The following CCNY variants were observed in gnomAD, a reference collection of about 807,000 sequenced individuals.
CCNY encodes cyclin Y.
A neutral mutation model predicts 42.8 loss-of-function variants in CCNY; 19 were observed. That is an observed-to-expected ratio of 0.44 (90% CI 0.31 to 0.65). The LOEUF (loss-of-function observed/expected upper bound fraction) is 0.65. CCNY is among the 30% of genes least tolerant of loss of function. CCNY has a pLI of 0.07. For missense variants in CCNY, 370 were observed against 437.3 expected (o/e 0.85, Z 1.37); for synonymous variants, 165 against 162.7 (o/e 1.01, Z -0.11).
At chr10:35,414,100 A>G (rs907134306) in intron 1 of CCNY, among the ~76,000 whole-genome samples, 4 of 152,174 alleles carry the variant, frequency 2.6e-5, no homozygotes, top group African/African-American at 9.7e-5. Context: ...CTTGCTGTGT[A>G]ACAAGTTACC....
At chr10:35,306,170 G>A (rs975432215) in intron 3 of CCNY, among the ~76,000 whole-genome samples, 4 of 152,084 alleles carry the variant, frequency 2.6e-5, no homozygotes, top group Non-Finnish European at 4.4e-5. Flanking sequence ...GAGTAGCTGG[G>A]ATTACAGGCA....
intron 3 of CCNY, among the ~76,000 whole-genome samples, chr10:35,514,344 G>T (rs1589170867): frequency 6.6e-6 from 1 of 152,148 alleles, no homozygotes; most frequent in African/African-American, 2.4e-5. Flanking sequence ...TTAAAAGCTG[G>T]GTTGGCATCC....
chr10:35,557,355 T>C (rs767558917), intron 8 of CCNY, among the ~76,000 whole-genome samples: 1 of 152,232 alleles, frequency 6.6e-6, no homozygotes, highest in Non-Finnish European at 1.5e-5. Flanking sequence ...ATATCAAAAA[T>C]GTACATTTAA....
chr10:35,397,441 G>A (rs1297414201), intron 1 of CCNY, among the ~76,000 whole-genome samples: 3 of 152,138 alleles, frequency 2.0e-5, no homozygotes, highest in East Asian at 1.9e-4. Flanking sequence ...GTAGCTTGTC[G>A]CAGACCCTAC....
chr10:35,364,974 T>TAGG (rs1836777891), intron 1 of CCNY, among the ~76,000 whole-genome samples: 1 of 152,204 alleles, frequency 6.6e-6, no homozygotes, highest in African/African-American at 2.4e-5. Flanking sequence ...ATGAACCAAT[T>TAGG]AGGGCATGTT....
chr10:35,480,906 CA>C lies in CCNY; in HGVS notation c.155-2497del, dbSNP rs1839652873. ...GCTTGAATCCAAGAAATTGAGGCTGCAGTGAGCCATGATTGCACTACTGCAC... is the reference window on the plus strand; with the variant it reads ...GCTTGAATCCAAGAAATTGAGGCTGCGTGAGCCATGATTGCACTACTGCAC... On this transcript the variant is annotated intron_variant, in intron 1 of 9. Coordinates refer to ENST00000374704, the MANE Select transcript of CCNY (RefSeq NM_145012.6). 2.0e-5 allele frequency among the ~76,000 whole-genome samples: 3 copies of C among 152,162 alleles called. 1 individual carries two copies. In the South Asian group the frequency reaches 6.2e-4, roughly 32 times the overall value.
At chr10:35,400,152 A>G (rs1297327797) in intron 1 of CCNY, among the ~76,000 whole-genome samples, 1 of 152,064 alleles carries the variant, frequency 6.6e-6, no homozygotes, top group Non-Finnish European at 1.5e-5. Flanking sequence ...TTCCAGCACC[A>G]TCTATTTGAT....
intron 3 of CCNY, among the ~76,000 whole-genome samples, chr10:35,321,494 GA>G (rs906176314): frequency 6.6e-6 from 1 of 151,978 alleles, no homozygotes; most frequent in Non-Finnish European, 1.5e-5. Context: ...GCAATGTGGT[GA>G]AACCCCATCT....
At chr10:35,252,854 A>G (rs1265819018) in intron 3 of CCNY, among the ~76,000 whole-genome samples, 1 of 152,190 alleles carries the variant, frequency 6.6e-6, no homozygotes, top group Non-Finnish European at 1.5e-5. Flanking sequence ...ATTAAGAAAC[A>G]TTATCAAGTC....
chr10:35,400,402 T>C (rs1441110012), intron 1 of CCNY, among the ~76,000 whole-genome samples: 1 of 152,134 alleles, frequency 6.6e-6, no homozygotes, highest in East Asian at 1.9e-4. Flanking sequence ...CTCTTTGAAT[T>C]AGCTGGTTCA....
At chr10:35,487,644 G>A (rs1839814769) in intron 2 of CCNY, among the ~76,000 whole-genome samples, 1 of 152,066 alleles carries the variant, frequency 6.6e-6, no homozygotes, top group Non-Finnish European at 1.5e-5. Flanking sequence ...CTTGTTCCAA[G>A]CAGGAGACTA....
chr10:35,490,115 G>T (rs1354463910), intron 2 of CCNY, among the ~76,000 whole-genome samples: 1 of 152,136 alleles, frequency 6.6e-6, no homozygotes, highest in Non-Finnish European at 1.5e-5. Context: ...CCCATAGAAA[G>T]AACTCAAATA....
Position 35,371,203 on chromosome 10 carries a change from A to G in CCNY, c.154+33996A>G, listed in dbSNP as rs575828663. Among the ~76,000 whole-genome samples the G allele has an allele frequency of 2.0e-5, 3 of 152,286 alleles. No homozygotes were observed. In the South Asian group the frequency reaches 6.2e-4, roughly 32 times the overall value. ...CCACCGCCCAGCCCAGTGCTGGGAT[A>G]CAGAAGCAACGTGATACCTGTGTAG... On this transcript the variant is annotated intron_variant, in intron 1 of 9. Coordinates refer to ENST00000374704, the MANE Select transcript of CCNY (RefSeq NM_145012.6).
chr10:35,436,258 G>A (rs183957086), intron 1 of CCNY, among the ~76,000 whole-genome samples: 3 of 152,274 alleles, frequency 2.0e-5, no homozygotes, highest in African/African-American at 7.2e-5. Context: ...GCGGTGGTGG[G>A]ATGCAGTGTT....
At chr10:35,277,436 G>T (rs919555192) in intron 3 of CCNY, among the ~76,000 whole-genome samples, 10 of 152,124 alleles carry the variant, frequency 6.6e-5, no homozygotes, top group African/African-American at 2.4e-4. Context: ...ACCTGCTGAG[G>T]CCGAGAATTC....
chr10:35,319,858 G>A (rs1835801614), intron 3 of CCNY, among the ~76,000 whole-genome samples: 1 of 152,134 alleles, frequency 6.6e-6, no homozygotes, highest in South Asian at 2.1e-4. Flanking sequence ...GTTGAGGCAG[G>A]AGAATTGCTT....
intron 3 of CCNY, among the ~76,000 whole-genome samples, chr10:35,262,991 G>T (rs2135033829): frequency 6.6e-6 from 1 of 152,168 alleles, no homozygotes; most frequent in South Asian, 2.1e-4. Context: ...GCCAAGGCAG[G>T]AGGATCACTT....
intron 1 of CCNY, among the ~76,000 whole-genome samples, chr10:35,473,558 G>A (rs1839434250): frequency 1.3e-5 from 2 of 152,208 alleles, no homozygotes; most frequent in East Asian, 3.9e-4. Flanking sequence ...TGAGGGATAT[G>A]TGATTTTGGG....
intron 1 of CCNY, among the ~76,000 whole-genome samples, chr10:35,463,365 A>G (rs1453548955): frequency 6.6e-6 from 1 of 152,270 alleles, no homozygotes; most frequent in African/African-American, 2.4e-5. Flanking sequence ...TTCAGAAAGC[A>G]TCTGTTACCT....
Sources: allele counts gnomAD v4.1 joint callset (sites outside exome capture counted in the v4.1 genomes callset), GRCh38; gene constraint gnomAD v4.1.1; transcripts MANE v1.5; gene names NCBI Gene and HGNC (gene_info 2026-07-23, HGNC 2026-07-21).